The following WDR7 variants were observed in gnomAD, a reference collection of about 807,000 sequenced individuals.
WDR7 encodes the protein WD repeat domain 7, also known as WD repeat-containing protein 7.
WDR7 carries 46 observed loss-of-function variants against 169.4 expected under a neutral mutation model. The ratio of observed to expected loss-of-function variants is 0.27; its 90% confidence interval spans 0.21 to 0.35. WDR7 has a LOEUF of 0.35. WDR7 is among the 10% of genes least tolerant of loss of function. WDR7 has a pLI of 1.00. For missense variants in WDR7, 1,534 were observed against 1,859.3 expected (o/e 0.83, Z 3.22); for synonymous variants, 612 against 666.8 (o/e 0.92, Z 1.27).
At chr18:57,020,526 G>GT (rs1568316922) in intron 26 of WDR7, among the ~76,000 whole-genome samples, 1 of 152,214 alleles carries the variant, frequency 6.6e-6, no homozygotes, top group Non-Finnish European at 1.5e-5. Flanking sequence ...CTAGGAGGCA[G>GT]GTGGACACCT....
At chr18:56,926,915 G>A (rs1010127273) in intron 22 of WDR7, among the ~76,000 whole-genome samples, 2 of 152,336 alleles carry the variant, frequency 1.3e-5, no homozygotes, top group South Asian at 4.1e-4. Flanking sequence ...AGGGTTAAGT[G>A]TGGATCTTAC....
intron 12 of WDR7, among the ~76,000 whole-genome samples, chr18:56,705,476 A>G (rs577067678): frequency 6.6e-6 from 1 of 152,258 alleles, no homozygotes; most frequent in South Asian, 2.1e-4. Flanking sequence ...GTCAATATAT[A>G]TGATATTTGA....
intron 26 of WDR7, among the ~76,000 whole-genome samples, chr18:56,962,970 C>T (rs763304013): frequency 6.6e-6 from 1 of 152,134 alleles, no homozygotes; most frequent in Non-Finnish European, 1.5e-5. Flanking sequence ...AAAATCACAA[C>T]AGCATTTATT....
intron 14 of WDR7, among the ~76,000 whole-genome samples, chr18:56,747,897 A>G (rs1414577776): frequency 6.6e-6 from 1 of 151,732 alleles, no homozygotes; most frequent in Non-Finnish European, 1.5e-5. Context: ...TGATTAGGGC[A>G]GTTTTTTTTT....
intron 26 of WDR7, among the ~76,000 whole-genome samples, chr18:57,011,776 C>T (rs1191699740): frequency 6.6e-6 from 1 of 151,808 alleles, no homozygotes; most frequent in Non-Finnish European, 1.5e-5. Flanking sequence ...GGAGATAGTA[C>T]ACCCAATAAG....
rs527542762 is a variant in WDR7, at chr18:56,677,336, C to T, written c.160-1996C>T. 2.6e-4 allele frequency among the ~76,000 whole-genome samples: 40 copies of T among 152,234 alleles called. 1 individual carries two copies. Among genetic ancestry groups the T allele is most frequent in the Admixed American group, 1.7e-3 (26 of 15,282 alleles). ...TTCCACTGAAAAGTCTGGTTCCAGACGTGTTGGAGCTCCATTGTTTGCTTG... is the reference window on the plus strand; with the variant it reads ...TTCCACTGAAAAGTCTGGTTCCAGATGTGTTGGAGCTCCATTGTTTGCTTG... On this transcript the variant is annotated intron_variant, in intron 2 of 27. Transcript: ENST00000254442.
intron 21 of WDR7, among the ~76,000 whole-genome samples, chr18:56,885,697 G>A (rs900939282): frequency 4.0e-5 from 6 of 151,654 alleles, no homozygotes; most frequent in African/African-American, 1.5e-4. Context: ...CATGGTGACG[G>A]GCACCTGTAG....
chr18:56,912,223 G>A (rs1300676119), intron 21 of WDR7, among the ~76,000 whole-genome samples: 1 of 152,190 alleles, frequency 6.6e-6, no homozygotes, highest in East Asian at 1.9e-4. Context: ...AGGTGGTCAG[G>A]CCCAGAGGAG....
At chr18:56,877,426 A>G (rs2046038741) in intron 20 of WDR7, among the ~76,000 whole-genome samples, 1 of 152,170 alleles carries the variant, frequency 6.6e-6, no homozygotes, top group African/African-American at 2.4e-5. Context: ...CTTTCATGAA[A>G]CTTCAAGAAT....
chr18:56,796,373 A>T (rs1158615558), intron 19 of WDR7, among the ~76,000 whole-genome samples: 3 of 152,178 alleles, frequency 2.0e-5, no homozygotes, highest in Non-Finnish European at 2.9e-5. Flanking sequence ...AATCTAGTTA[A>T]TATTCATTTG....
chr18:56,781,510 T>C (rs1179712171), intron 18 of WDR7, 23 bp from the exon 19 acceptor site: 1 of 1,556,208 alleles, frequency 6.4e-7, no homozygotes, highest in Admixed American at 2.0e-5. Context: ...TTTCTGCTTT[T>C]ACATTTGGGT....
intron 19 of WDR7, among the ~76,000 whole-genome samples, chr18:56,794,304 A>ATTTTTGTTTTTTTTTTTTTTTTTT (rs2044543880): frequency 2.0e-5 from 1 of 49,466 alleles, no homozygotes; most frequent in South Asian, 1.2e-3. Flanking sequence ...GGTAAAGTCT[A>ATTTTTGTTTTTTTTTTTTTTTTTT]TTTTTTTTTT....
intron 7 of WDR7, among the ~76,000 whole-genome samples, chr18:56,689,639 T>G (rs1380823597): frequency 6.6e-6 from 1 of 152,220 alleles, no homozygotes; most frequent in African/African-American, 2.4e-5. Context: ...AGATCCAATT[T>G]TATTTTTATG....
intron 14 of WDR7, among the ~76,000 whole-genome samples, chr18:56,744,260 A>G (rs2043668809): frequency 6.6e-6 from 1 of 150,596 alleles, no homozygotes; most frequent in Non-Finnish European, 1.5e-5. Flanking sequence ...AAAAAAAAAA[A>G]AAAAAAAAAG....
At chr18:56,779,759 G>T (rs183184475) in intron 18 of WDR7, among the ~76,000 whole-genome samples, 47 of 152,228 alleles carry the variant, frequency 3.1e-4, no homozygotes, top group Admixed American at 1.9e-3. Context: ...TACTTTTAAA[G>T]AATTCAGTGA....
At chr18:56,663,517 A>G (rs1026104692) in intron 1 of WDR7, among the ~76,000 whole-genome samples, 1 of 152,144 alleles carries the variant, frequency 6.6e-6, no homozygotes, top group Non-Finnish European at 1.5e-5. Flanking sequence ...GTGAATCATC[A>G]TGGTATGTAT....
At chr18:56,727,778 T>A (rs994243744) in intron 13 of WDR7, among the ~76,000 whole-genome samples, 1 of 152,194 alleles carries the variant, frequency 6.6e-6, no homozygotes, top group Non-Finnish European at 1.5e-5. Context: ...TATGTGCAAA[T>A]GTTTTGACCC....
intron 12 of WDR7, among the ~76,000 whole-genome samples, chr18:56,710,108 AT>A (rs1283211815): frequency 2.7e-5 from 4 of 147,642 alleles, no homozygotes; most frequent in African/African-American, 5.0e-5. Context: ...GGTTCATGCC[AT>A]TCTCCTGCCT....
intron 12 of WDR7, among the ~76,000 whole-genome samples, chr18:56,703,921 A>G (rs999612441): frequency 2.0e-5 from 3 of 152,150 alleles, no homozygotes; most frequent in Non-Finnish European, 4.4e-5. Flanking sequence ...GCTATAAAAA[A>G]GGGCATATTA....
Sources: allele counts gnomAD v4.1 joint callset (sites outside exome capture counted in the v4.1 genomes callset), GRCh38; gene constraint gnomAD v4.1.1; transcripts MANE v1.5; gene names NCBI Gene and HGNC (gene_info 2026-07-23, HGNC 2026-07-21).